Variants in PCDH15 observed in about 807,000 individuals in gnomAD.
PCDH15 encodes the protein protocadherin-15.
Under a neutral mutation model 178.5 loss-of-function variants are expected in PCDH15, and 129 were observed. The ratio of observed to expected loss-of-function variants is 0.72; its 90% confidence interval spans 0.63 to 0.84. The LOEUF is 0.84. Ranked by LOEUF, PCDH15 falls within the 40% of genes least tolerant of loss-of-function variation. The probability of loss-of-function intolerance (pLI) is 0.00; values close to 1 mark genes in which losing one functional copy is unlikely to be tolerated. For missense variants in PCDH15, 2,230 were observed against 2,099.9 expected, an observed-to-expected ratio of 1.06 and a Z score of -1.21; for synonymous variants, 800 against 732.0, an observed-to-expected ratio of 1.09 and a Z score of -1.50.
rs12253840 is a variant in PCDH15 at position 54,072,166 on chromosome 10, C to G, written c.2092-5281G>C. On this transcript the variant is annotated intron_variant, in intron 17 of 37. Coordinates refer to ENST00000644397, the MANE Select transcript of PCDH15 (RefSeq NM_001384140.1). ...TGAATAAAAATCTTCACTACTATATCTAAAATTCTTTTCAATAACAATGGG... is the reference window on the plus strand; with the variant it reads ...TGAATAAAAATCTTCACTACTATATGTAAAATTCTTTTCAATAACAATGGG... 8.9e-3 allele frequency among the ~76,000 whole-genome samples: 1,353 copies of G among 152,134 alleles called. 20 individuals are homozygous for G. Among genetic ancestry groups the G allele is most frequent in the African/African-American group, 0.03 (1,243 of 41,530 alleles).
At chr10:54,324,182 T>A (rs2061790275) in intron 7 of PCDH15, among the ~76,000 whole-genome samples, 1 of 152,124 alleles carries the variant, frequency 6.6e-6, no homozygotes, top group Admixed American at 6.6e-5. Context: ...TAGAGGTTAT[T>A]TCTGAAAAGT....
At chr10:55,301,174 A>G (rs1162294977) in intron 1 of PCDH15, among the ~76,000 whole-genome samples, 1 of 152,148 alleles carries the variant, frequency 6.6e-6, no homozygotes, top group East Asian at 1.9e-4. Flanking sequence ...TTGGCAACAA[A>G]CTGTTCAAAG....
At chr10:54,050,842 C>G (rs939362627) in intron 18 of PCDH15, among the ~76,000 whole-genome samples, 2 of 152,046 alleles carry the variant, frequency 1.3e-5, no homozygotes, top group Admixed American at 6.5e-5. Flanking sequence ...GATTGTAGTT[C>G]CCATAATCCC....
At chr10:55,532,127 T>C (rs997484722) in intron 2 of PCDH15, among the ~76,000 whole-genome samples, 1 of 151,968 alleles carries the variant, frequency 6.6e-6, no homozygotes, top group Non-Finnish European at 1.5e-5. Flanking sequence ...CATAAAGATA[T>C]AAAAAGAGAA....
chr10:54,353,339 A>G (rs879805145), intron 5 of PCDH15, among the ~76,000 whole-genome samples: 4 of 152,192 alleles, frequency 2.6e-5, no homozygotes, highest in Admixed American at 6.5e-5. Flanking sequence ...AGAAAACATA[A>G]GAAAAGAGGT....
In PCDH15 at chr10:54,604,454, T is replaced by A. The variant is rs536241430; in HGVS notation, c.91+59718A>T. ...TTGCTTTAAATATTTAGATCTGATATTGAGTGCATATACATTTACAATAGT... is the reference window on the plus strand; with the variant it reads ...TTGCTTTAAATATTTAGATCTGATAATGAGTGCATATACATTTACAATAGT... On this transcript the variant is annotated intron_variant, in intron 2 of 37. Transcript: ENST00000644397. 1.3e-4 allele frequency among the ~76,000 whole-genome samples: 20 copies of A among 152,152 alleles called. No homozygotes were observed. The East Asian group carries it at 2.9e-3, about 22-fold the overall frequency.
chr10:55,298,699 A>G (rs1406566039), intron 1 of PCDH15, among the ~76,000 whole-genome samples: 1 of 151,434 alleles, frequency 6.6e-6, no homozygotes, highest in African/African-American at 2.4e-5. Context: ...TCCTGCCTCC[A>G]CCTCCCGAGT....
intron 2 of PCDH15, among the ~76,000 whole-genome samples, chr10:54,555,547 C>T (rs996774562): frequency 6.1e-5 from 9 of 148,134 alleles, no homozygotes; most frequent in African/African-American, 9.9e-5. Flanking sequence ...CTGACCAACA[C>T]GGTGAAACCC....
Position 55,118,218 on chromosome 10 carries a change from T to C in PCDH15, c.-80+48358A>G, listed in dbSNP as rs559014955. On this transcript the variant is annotated intron_variant, in intron 2 of 5. Coordinates refer to the PCDH15 transcript ENST00000458638. ...AGTAAAACCAGACTGAGAAAGGCCA[T>C]AGGGCTGTTTCAGGGATGAAATTCA... Among the ~76,000 whole-genome samples, 7 of 152,260 alleles carry C rather than the reference T, an allele frequency of 4.6e-5. No individual in the cohort carries two copies. The South Asian group carries it at 6.2e-4, about 14-fold the overall frequency.
At chr10:55,386,959 G>T (rs1837676392) in intron 2 of PCDH15, among the ~76,000 whole-genome samples, 2 of 152,012 alleles carry the variant, frequency 1.3e-5, no homozygotes, top group African/African-American at 4.8e-5. Flanking sequence ...CTGGCTGTGT[G>T]CATGTCCACA....
chr10:53,923,308 C>T (rs1174317549), intron 25 of PCDH15, among the ~76,000 whole-genome samples: 2 of 152,140 alleles, frequency 1.3e-5, no homozygotes, highest in South Asian at 2.1e-4. Context: ...GGGATAAGAA[C>T]AGGAACAAGA....
At chr10:53,854,361 A>G (rs938635566) in intron 28 of PCDH15, among the ~76,000 whole-genome samples, 1 of 152,028 alleles carries the variant, frequency 6.6e-6, no homozygotes, top group Non-Finnish European at 1.5e-5. Context: ...TATACTTAAA[A>G]CTACCAAACT....
intron 2 of PCDH15, among the ~76,000 whole-genome samples, chr10:55,158,580 T>C (rs754444741): frequency 7.1e-6 from 1 of 140,558 alleles, no homozygotes; most frequent in African/African-American, 2.5e-5. Flanking sequence ...CAGCTGATTA[T>C]AACTGACAGG....
chr10:54,418,785 C>A (rs1954817911), intron 3 of PCDH15, among the ~76,000 whole-genome samples: 1 of 151,746 alleles, frequency 6.6e-6, no homozygotes, highest in African/African-American at 2.4e-5. Flanking sequence ...AAGTTTGATG[C>A]AACAAATATT....
In PCDH15 at chr10:55,055,239, G is replaced by A. The variant is rs1050434664; in HGVS notation, c.-80+111337C>T. 6.6e-5 allele frequency among the ~76,000 whole-genome samples: 10 copies of A among 152,280 alleles called. No individual in the cohort carries two copies. The East Asian group carries it at 1.7e-3, about 26-fold the overall frequency. On this transcript the variant is annotated intron_variant, in intron 2 of 5. Coordinates refer to the PCDH15 transcript ENST00000458638. Reference sequence around the variant, plus strand: ...TCAATCTTTTGCATATGGCTAGCCTGTTATCCAAGCAACATTTAGAAAAAT... The same window carrying A: ...TCAATCTTTTGCATATGGCTAGCCTATTATCCAAGCAACATTTAGAAAAAT...
intron 3 of PCDH15, among the ~76,000 whole-genome samples, chr10:54,851,579 A>G (rs556709882): frequency 2.0e-5 from 3 of 151,944 alleles, no homozygotes; most frequent in African/African-American, 4.8e-5. Flanking sequence ...TGAGTATTTT[A>G]TGTGTGTGTG....
chr10:55,570,510 AT>A (rs768990353), intron 2 of PCDH15, among the ~76,000 whole-genome samples: 1 of 151,640 alleles, frequency 6.6e-6, no homozygotes, highest in Non-Finnish European at 1.5e-5. Flanking sequence ...TCAGGAACCA[AT>A]TTTTTTTCTT....
At chr10:54,253,115 C>T (rs1262951315) in intron 8 of PCDH15, among the ~76,000 whole-genome samples, 3 of 151,844 alleles carry the variant, frequency 2.0e-5, no homozygotes, top group Admixed American at 6.6e-5. Flanking sequence ...CTAGTAAATT[C>T]GATTGAGGAT....
At chr10:54,789,134 A>T (rs1407427267) in intron 1 of PCDH15, among the ~76,000 whole-genome samples, 1 of 151,904 alleles carries the variant, frequency 6.6e-6, no homozygotes, top group African/African-American at 2.4e-5. Context: ...TTTAAAATTC[A>T]TTTGACAACC....
Sources: allele counts gnomAD v4.1 joint callset (sites outside exome capture counted in the v4.1 genomes callset), GRCh38; gene constraint gnomAD v4.1.1; transcripts MANE v1.5; gene names NCBI Gene and HGNC (gene_info 2026-07-23, HGNC 2026-07-21).